Variants in RGS17 observed in about 807,000 individuals in gnomAD.
RGS17 encodes the protein regulator of G protein signaling 17.
Under a neutral mutation model 25.5 loss-of-function variants are expected in RGS17, and 12 were observed. The observed-to-expected ratio is 0.47, with a 90% CI of 0.30 to 0.76. RGS17 has a LOEUF of 0.76. Ranked by LOEUF, RGS17 falls within the 30% of genes least tolerant of loss-of-function variation. The pLI, the probability that RGS17 is intolerant of heterozygous loss-of-function variation, is 0.07. For synonymous variants in RGS17, 71 were observed against 76.9 expected, an observed-to-expected ratio of 0.92 and a Z score of 0.40; for missense variants, 196 against 242.2, an observed-to-expected ratio of 0.81 and a Z score of 1.27.
intron 1 of RGS17, among the ~76,000 whole-genome samples, chr6:153,094,245 T>G (rs1329488463): frequency 1.3e-5 from 2 of 151,858 alleles, no homozygotes; most frequent in African/African-American, 4.8e-5. Context: ...CCGGCTAATT[T>G]TTGTATTTTT....
intron 1 of RGS17, among the ~76,000 whole-genome samples, chr6:153,122,976 T>G (rs1223400061): frequency 6.6e-6 from 1 of 150,678 alleles, no homozygotes; most frequent in Non-Finnish European, 1.5e-5. Context: ...AATACTCCAA[T>G]GTACATTGGA....
intron 4 of RGS17, among the ~76,000 whole-genome samples, chr6:153,023,990 C>A (rs1280096416): frequency 1.3e-5 from 2 of 152,186 alleles, no homozygotes; most frequent in Non-Finnish European, 2.9e-5. Flanking sequence ...TTTGTCACAG[C>A]AAATTGTGTT....
chr6:153,117,430 C>G (rs1777561686), intron 1 of RGS17, among the ~76,000 whole-genome samples: 1 of 152,160 alleles, frequency 6.6e-6, no homozygotes. Context: ...GGTGGGGACA[C>G]AAAGCCTAAC....
At chr6:153,054,756 G>T in intron 1 of RGS17, among the ~76,000 whole-genome samples, 1 of 151,696 alleles carries the variant, frequency 6.6e-6, no homozygotes, top group African/African-American at 2.4e-5. Flanking sequence ...AACATCATAG[G>T]CAAACGCTTT....
At chr6:153,105,334 C>G (rs1437691416) in intron 1 of RGS17, among the ~76,000 whole-genome samples, 10 of 152,128 alleles carry the variant, frequency 6.6e-5, no homozygotes. Flanking sequence ...GCTCCATGGA[C>G]AGCTAACAAA....
At chr6:153,043,130 G>A (rs1371702797) in intron 2 of RGS17, among the ~76,000 whole-genome samples, 1 of 152,158 alleles carries the variant, frequency 6.6e-6, no homozygotes, top group African/African-American at 2.4e-5. Context: ...CTGGATCATG[G>A]ATGTTCAGCA....
In RGS17 at chr6:153,009,384, CAT is replaced by C. The variant is rs1415650412; in HGVS notation, c.*2188_*2189del. 1 of 151,898 alleles carries C rather than the reference CAT, an allele frequency of 6.6e-6. No homozygotes were observed. Among genetic ancestry groups the C allele is most frequent in the Non-Finnish European group, 1.5e-5 (1 of 67,886 alleles). The allele number at this position is 151,898 out of a possible 1,614,324, so 9.4% of individuals were successfully genotyped here. A position where few individuals can be genotyped will look rare whatever the true frequency, so the allele number is the denominator to read the frequency against. ...TACTACACCATACATGTGTATATAT[CAT>C]AGTAGCATAATAAACTCAATTCTAA... On this transcript the variant is annotated 3_prime_UTR_variant, in exon 5 of 5. Transcript: ENST00000206262.
intron 1 of RGS17, among the ~76,000 whole-genome samples, chr6:153,071,029 A>G (rs1437563966): frequency 5.4e-5 from 8 of 148,084 alleles, no homozygotes; most frequent in Non-Finnish European, 1.2e-4. Flanking sequence ...GTGTATATGT[A>G]TATATACGTA....
intron 1 of RGS17, among the ~76,000 whole-genome samples, chr6:153,057,900 G>A (rs114712138): frequency 2.0e-4 from 31 of 152,214 alleles, no homozygotes; most frequent in African/African-American, 7.2e-4. Context: ...CTGATTTGAC[G>A]GGAGGCAGAG....
At chr6:153,096,116 G>C (rs1448366012) in intron 1 of RGS17, among the ~76,000 whole-genome samples, 1 of 152,204 alleles carries the variant, frequency 6.6e-6, no homozygotes, top group Non-Finnish European at 1.5e-5. Context: ...CTGGAACTCA[G>C]AGGAAGGCTG....
At chr6:153,054,108 ATATATG>A (rs1336897506) in intron 1 of RGS17, among the ~76,000 whole-genome samples, 6 of 105,540 alleles carry the variant, frequency 5.7e-5, no homozygotes, top group African/African-American at 1.1e-4. Flanking sequence ...ATATATATAT[ATATATG>A]TGTATATATA....
At chr6:153,039,497 T>G (rs1409923755) in intron 2 of RGS17, among the ~76,000 whole-genome samples, 2 of 152,088 alleles carry the variant, frequency 1.3e-5, no homozygotes, top group African/African-American at 4.8e-5. Flanking sequence ...CGTAAACATT[T>G]TGGAGAGATG....
intron 1 of RGS17, among the ~76,000 whole-genome samples, chr6:153,072,939 A>T (rs546609757): frequency 8.3e-4 from 101 of 121,778 alleles, no homozygotes; most frequent in Non-Finnish European, 1.4e-3. Context: ...ATCCAAAGTT[A>T]AAAAATATAT....
intron 3 of RGS17, among the ~76,000 whole-genome samples, chr6:153,025,288 G>A (rs931946645): frequency 6.6e-6 from 1 of 151,612 alleles, no homozygotes; most frequent in Non-Finnish European, 1.5e-5. Context: ...CTCCTGGCTA[G>A]GCAACAAAAT....
At chr6:153,127,646 G>A (rs1190504105) in intron 1 of RGS17, among the ~76,000 whole-genome samples, 3 of 152,230 alleles carry the variant, frequency 2.0e-5, no homozygotes, top group African/African-American at 4.8e-5. Context: ...ATTTTGTATC[G>A]TAGGGGATCT....
At chr6:153,035,310 C>CTA (rs1172776053) in intron 2 of RGS17, among the ~76,000 whole-genome samples, 1 of 151,976 alleles carries the variant, frequency 6.6e-6, no homozygotes, top group Non-Finnish European at 1.5e-5. Flanking sequence ...TTTATACATG[C>CTA]TATATTTTAT....
At chr6:153,070,026 T>C (rs1188033426) in intron 1 of RGS17, among the ~76,000 whole-genome samples, 2 of 152,106 alleles carry the variant, frequency 1.3e-5, no homozygotes, top group Admixed American at 6.6e-5. Context: ...ATAGAATCAA[T>C]TCACTCAGCA....
chr6:153,029,546 C>G (rs1779339177), intron 2 of RGS17, among the ~76,000 whole-genome samples: 1 of 151,540 alleles, frequency 6.6e-6, no homozygotes, highest in Non-Finnish European at 1.5e-5. Flanking sequence ...AATACCAGAT[C>G]AACAGTTTTG....
intron 1 of RGS17, among the ~76,000 whole-genome samples, chr6:153,075,962 T>A (rs570650584): frequency 6.6e-6 from 1 of 152,134 alleles, no homozygotes; most frequent in African/African-American, 2.4e-5. Context: ...GGGAATACAG[T>A]AGTGGAAATA....
Sources: gnomAD v4.1 joint callset for allele counts (sites outside exome capture counted in the v4.1 genomes callset) on GRCh38, gnomAD v4.1.1 for gene constraint, MANE v1.5 for transcripts, NCBI Gene and HGNC (gene_info 2026-07-23, HGNC 2026-07-21) for gene names.